Variants in MFSD6 observed in about 807,000 individuals in gnomAD.
MFSD6 encodes the protein major facilitator superfamily domain-containing protein 6.
MFSD6 carries 26 observed loss-of-function variants against 56.3 expected under a neutral mutation model. That is an observed-to-expected ratio of 0.46 (90% CI 0.34 to 0.64). The LOEUF is 0.64. Among genes scored for constraint, MFSD6 ranks in the 30% least tolerant of loss-of-function variants. MFSD6 has a pLI of 0.01. For synonymous variants in MFSD6, 331 were observed against 366.9 expected (o/e 0.90, Z 1.12); for missense variants, 750 against 986.2 (o/e 0.76, Z 3.21).
chr2:190,453,972 G>A (rs1686880418), intron 3 of MFSD6: 2 of 152,184 alleles, frequency 1.3e-5, no homozygotes, highest in African/African-American at 4.8e-5. Flanking sequence ...ATATTTCACA[G>A]AGAAGATTCT....
chr2:190,424,904 C>A lies in MFSD6; in HGVS notation c.-54+9491C>A, dbSNP rs978837562. Among the ~76,000 whole-genome samples the A allele has an allele frequency of 6.6e-6, 1 of 152,062 alleles. No individual in the cohort carries two copies. The highest frequency in any genetic ancestry group is 2.4e-5 in the African/African-American group (1 of 41,406). Reference sequence around the variant, plus strand: ...TCCTTTTCTGTATAAATTTTAAAATCTTGTCTATATCTACAAAAATATGTT... The same window carrying A: ...TCCTTTTCTGTATAAATTTTAAAATATTGTCTATATCTACAAAAATATGTT... On this transcript the variant is annotated intron_variant, in intron 2 of 7. Transcript: ENST00000392328. This position sits in a 1 kb window ranked among gnomAD's most constrained non-coding sequence, Gnocchi z 5.9.
rs1396756390 is a variant in MFSD6, at chr2:190,497,265, A to G, written c.1892-174A>G. 2.6e-5 allele frequency among the ~76,000 whole-genome samples: 4 copies of G among 152,192 alleles called. No homozygotes were observed. The highest frequency in any genetic ancestry group is 7.2e-5 in the African/African-American group (3 of 41,438). ...AGACCCAAAGATAAACATCATGTTC[A>G]TTGATTCAGTACTTACACCAAGTAA... On this transcript the variant is annotated intron_variant, in intron 6 of 7. Coordinates refer to ENST00000392328, the MANE Select transcript of MFSD6 (RefSeq NM_017694.4). The surrounding 1 kb of genome is among the most constrained non-coding windows in gnomAD (Gnocchi z 5.2).
intron 3 of MFSD6, among the ~76,000 whole-genome samples, chr2:190,449,766 A>C (rs1285559834): frequency 2.0e-5 from 3 of 152,160 alleles, no homozygotes; most frequent in Non-Finnish European, 4.4e-5. Context: ...TCGCAAGAAC[A>C]AAAAACCAAA....
intron 1 of MFSD6, among the ~76,000 whole-genome samples, 173 bp downstream of exon 1, chr2:190,408,676 G>C (rs1054163873): frequency 8.0e-5 from 12 of 150,036 alleles, no homozygotes; most frequent in Non-Finnish European, 1.5e-4. Context: ...GTCTCCGCTC[G>C]GGCCTCGCTC....
At chr2:190,481,325 A>G (rs1688653238) in intron 4 of MFSD6, among the ~76,000 whole-genome samples, 2 of 152,288 alleles carry the variant, frequency 1.3e-5, no homozygotes, top group South Asian at 4.2e-4. Flanking sequence ...TGCAAGCTAG[A>G]GCTTATAGAA....
chr2:190,455,462 A>T (rs1327042267), intron 3 of MFSD6, among the ~76,000 whole-genome samples: 1 of 152,120 alleles, frequency 6.6e-6, no homozygotes, highest in East Asian at 1.9e-4. Context: ...GGCCATGGGA[A>T]GGGCACAGGA....
At chr2:190,442,361 G>T (rs955096357) in intron 3 of MFSD6, among the ~76,000 whole-genome samples, 1 of 152,108 alleles carries the variant, frequency 6.6e-6, no homozygotes, top group African/African-American at 2.4e-5. Flanking sequence ...AAACAGGAGA[G>T]ACTGAGGCCA....
chr2:190,500,137 C>T lies in MFSD6; in HGVS notation c.2295C>T (p.Thr765=), dbSNP rs200096117. Residue 765 remains threonine (T), a synonymous_variant, in exon 8 of 8, where the codon ACC becomes ACT. Coordinates refer to ENST00000392328, the MANE Select transcript of MFSD6 (RefSeq NM_017694.4). The surrounding 1 kb of genome is among the most constrained non-coding windows in gnomAD (Gnocchi z 5.3). ...ACGCAGCAGCATCTCAGACGCAGAC[C>T]AGCCCCGCTCACCCCAGTGTGGACC... is the stretch of plus-strand genomic sequence containing the variant. ...SPDAAASQTQ[T]SPAHPSVDPC... 6.2e-7 allele frequency: 1 copy of T among 1,614,142 alleles called. No homozygotes were observed. The highest frequency in any genetic ancestry group is 2.2e-5 in the East Asian group (1 of 44,870).
chr2:190,411,698 A>C, intron 1 of MFSD6: 1 of 985,454 alleles, frequency 1.0e-6, no homozygotes, highest in Non-Finnish European at 1.2e-6. Context: ...AATGAGACTC[A>C]GGAGATCAAA....
In MFSD6 at chr2:190,412,090, A is replaced by G; in HGVS notation, c.-175-3202A>G. 1 of 984,696 alleles carries G rather than the reference A, an allele frequency of 1.0e-6. No individual in the cohort carries two copies. The allele number at this position is 984,696 out of a possible 1,614,324, so 61.0% of individuals were successfully genotyped here. ...GTTATCATAAAGTTAAACTAATCTGATGCATATGTACTTGTTAAATACAGT... is the reference window on the plus strand; with the variant it reads ...GTTATCATAAAGTTAAACTAATCTGGTGCATATGTACTTGTTAAATACAGT... On this transcript the variant is annotated intron_variant, in intron 1 of 7. Coordinates refer to ENST00000392328, the MANE Select transcript of MFSD6 (RefSeq NM_017694.4). The surrounding 1 kb of genome is among the most constrained non-coding windows in gnomAD (Gnocchi z 4.1).
intron 6 of MFSD6, among the ~76,000 whole-genome samples, chr2:190,493,884 A>ATGACCTTTGATG: frequency 6.6e-6 from 1 of 152,170 alleles, no homozygotes; most frequent in Non-Finnish European, 1.5e-5. Context: ...GGGAAAGGTC[A>ATGACCTTTGATG]TAGCCTAAAT....
intron 2 of MFSD6, among the ~76,000 whole-genome samples, chr2:190,420,097 A>T (rs1373352414): frequency 7.0e-6 from 1 of 143,712 alleles, no homozygotes; most frequent in South Asian, 2.3e-4. Context: ...CTCAGACATT[A>T]AAAACAAAAT....
Position 190,437,286 on chromosome 2 carries a change from C to T in MFSD6, c.1257C>T (p.Ser419=), listed in dbSNP as rs1009167108. ...TGGAAAGGAACAACTCTACAGAGTC[C>T]TCTGAGGAGACACCAACCACCACAA... ...PQVERNNSTE[S]SEETPTTTSH... Residue 419 remains serine, a synonymous_variant, in exon 3 of 8, where the codon TCC becomes TCT. Transcript: ENST00000392328. This position sits in a 1 kb window ranked among gnomAD's most constrained non-coding sequence, Gnocchi z 5.9. 5.0e-6 allele frequency: 8 copies of T among 1,614,172 alleles called. No homozygotes were observed. The highest frequency in any genetic ancestry group is 6.8e-6 in the Non-Finnish European group (8 of 1,180,020).
chr2:190,448,986 A>G (rs540786304), intron 3 of MFSD6, among the ~76,000 whole-genome samples: 42 of 152,358 alleles, frequency 2.8e-4, no homozygotes, highest in African/African-American at 9.1e-4. Context: ...TTATAGCTGT[A>G]TATGTTTTAA....
At chr2:190,430,343 G>A (rs1439141193) in intron 2 of MFSD6, among the ~76,000 whole-genome samples, 1 of 151,240 alleles carries the variant, frequency 6.6e-6, no homozygotes, top group Non-Finnish European at 1.5e-5. Context: ...CTAGGCAGAG[G>A]ACCCTGCGGC....
intron 3 of MFSD6, among the ~76,000 whole-genome samples, chr2:190,464,286 G>T (rs1687484156): frequency 6.6e-6 from 1 of 152,028 alleles, no homozygotes; most frequent in South Asian, 2.1e-4. Flanking sequence ...TAATTATTTT[G>T]GGAAGTTTTG....
rs1685746165 is a variant in MFSD6, at chr2:190,425,086, C to T, written c.-54+9673C>T. 6.6e-6 allele frequency among the ~76,000 whole-genome samples: 1 copy of T among 151,966 alleles called. No homozygotes were observed. Among genetic ancestry groups the T allele is most frequent in the African/African-American group, 2.4e-5 (1 of 41,352 alleles). On this transcript the variant is annotated intron_variant, in intron 2 of 7. Coordinates refer to ENST00000392328, the MANE Select transcript of MFSD6 (RefSeq NM_017694.4). The surrounding 1 kb of genome is among the most constrained non-coding windows in gnomAD (Gnocchi z 4.3). ...CTTGTACACATTTTTTAAATTTATA[C>T]CCAAGTGTTTCTTTTTTAAGCAGCT...
intron 2 of MFSD6, among the ~76,000 whole-genome samples, chr2:190,427,682 G>A (rs1000684136): frequency 6.6e-6 from 1 of 151,802 alleles, no homozygotes; most frequent in African/African-American, 2.4e-5. Context: ...AGAAGTGATA[G>A]AGAAAATTGT....
upstream of MFSD6, among the ~76,000 whole-genome samples, chr2:190,407,721 G>A (rs1001432667): frequency 6.6e-6 from 1 of 152,108 alleles, no homozygotes; most frequent in African/African-American, 2.4e-5. The surrounding 1 kb of genome is among the most constrained non-coding windows in gnomAD (Gnocchi z 5.4). Flanking sequence ...CTGAAAAAGG[G>A]TGCCTTCGTC....
Sources: allele counts gnomAD v4.1 joint callset (sites outside exome capture counted in the v4.1 genomes callset), GRCh38; gene constraint gnomAD v4.1.1; non-coding constraint Gnocchi (gnomAD v3.1); transcripts MANE v1.5; gene names NCBI Gene and HGNC (gene_info 2026-07-23, HGNC 2026-07-21).